The following LRBA variants were observed in gnomAD, a reference collection of about 807,000 sequenced individuals.
The protein encoded by LRBA is LPS responsive beige-like anchor protein, also known as lipopolysaccharide-responsive and beige-like anchor protein.
Under a neutral mutation model 330.0 loss-of-function variants are expected in LRBA, and 176 were observed. The observed-to-expected ratio is 0.53, with a 90% confidence interval of 0.47 to 0.60. LRBA has a LOEUF of 0.60. Among genes scored for constraint, LRBA ranks in the 20% least tolerant of loss-of-function variants. The probability of loss-of-function intolerance (pLI) is 0.00; values close to 1 mark genes in which losing one functional copy is unlikely to be tolerated. For synonymous variants in LRBA, 1,230 were observed against 1,193.0 expected (o/e 1.03, Z -0.64); for missense variants, 3,259 against 3,444.8 (o/e 0.95, Z 1.35).
intron 48 of LRBA, among the ~76,000 whole-genome samples, chr4:150,338,384 G>T (rs1395559542): frequency 2.0e-5 from 3 of 152,122 alleles, no homozygotes; most frequent in Non-Finnish European, 2.9e-5. Context: ...AGAAGAAAAT[G>T]ACACTTTTAG....
chr4:150,525,372 C>T lies in LRBA; in HGVS notation c.6331-34337G>A, dbSNP rs148870246. Among the ~76,000 whole-genome samples, 636 of 151,454 alleles carry T rather than the reference C, an allele frequency of 4.2e-3. 3 individuals are homozygous for T. Among genetic ancestry groups the T allele is most frequent in the African/African-American group, 0.015 (602 of 41,290 alleles). ...CCCAAAAGATTCATTACTTTGATAA[C>T]CATTTATCAGGGACTCAAGTTCAAT... On this transcript the variant is annotated intron_variant, in intron 40 of 56. Transcript: ENST00000651943.
intron 47 of LRBA, among the ~76,000 whole-genome samples, chr4:150,376,738 A>G (rs1233676192): frequency 6.6e-6 from 1 of 152,218 alleles, no homozygotes; most frequent in East Asian, 1.9e-4. Flanking sequence ...CAGGAGCTAT[A>G]AACAAACAAA....
chr4:150,881,630 A>G (rs1276764592), intron 17 of LRBA, among the ~76,000 whole-genome samples: 1 of 152,206 alleles, frequency 6.6e-6, no homozygotes, highest in Admixed American at 6.5e-5. Flanking sequence ...CAATATACCC[A>G]TGTAACAAAC....
At chr4:150,455,503 A>C (rs548697336) in intron 44 of LRBA, among the ~76,000 whole-genome samples, 42 of 152,112 alleles carry the variant, frequency 2.8e-4, no homozygotes, top group Non-Finnish European at 4.6e-4. Context: ...GAAATTGGAA[A>C]TCATCATTCT....
intron 37 of LRBA, among the ~76,000 whole-genome samples, chr4:150,654,743 T>C (rs1780019049): frequency 1.3e-5 from 2 of 152,170 alleles, no homozygotes; most frequent in South Asian, 2.1e-4. Context: ...CCTTCCTGTG[T>C]CCATGTGTTC....
intron 44 of LRBA, among the ~76,000 whole-genome samples, chr4:150,461,155 C>T (rs1258323123): frequency 6.6e-6 from 1 of 151,664 alleles, no homozygotes; most frequent in Non-Finnish European, 1.5e-5. Flanking sequence ...TTTCCTTTTT[C>T]AAGCAATAGC....
chr4:150,407,199 G>T (rs1355531941), intron 47 of LRBA, among the ~76,000 whole-genome samples: 1 of 152,190 alleles, frequency 6.6e-6, no homozygotes, highest in Non-Finnish European at 1.5e-5. Flanking sequence ...AGACAGAAAA[G>T]AAGGCAATGT....
At chr4:150,804,989 T>G (rs114297997) in intron 33 of LRBA, among the ~76,000 whole-genome samples, 4 of 151,998 alleles carry the variant, frequency 2.6e-5, no homozygotes, top group Non-Finnish European at 5.9e-5. Flanking sequence ...GGTACGAAGA[T>G]GAAGATTGGT....
intron 37 of LRBA, among the ~76,000 whole-genome samples, chr4:150,626,744 T>C (rs1428963271): frequency 6.6e-6 from 1 of 152,116 alleles, no homozygotes; most frequent in African/African-American, 2.4e-5. Flanking sequence ...TTAGATAAGA[T>C]TTAAATTGCT....
chr4:150,593,880 A>G (rs1773180997), intron 38 of LRBA, among the ~76,000 whole-genome samples: 1 of 152,156 alleles, frequency 6.6e-6, no homozygotes, highest in Non-Finnish European at 1.5e-5. Context: ...AAATAGCTCA[A>G]AAAATAAATT....
At chr4:150,914,091 TTC>T (rs929479241) in intron 9 of LRBA, 102 bp downstream of exon 9, 2 of 909,828 alleles carry the variant, frequency 2.2e-6, no homozygotes, top group African/African-American at 3.4e-5. Flanking sequence ...GGTCTCATTT[TTC>T]TTTTTTTTTT....
At chr4:150,648,834 T>C (rs1463142850) in intron 37 of LRBA, among the ~76,000 whole-genome samples, 2 of 152,130 alleles carry the variant, frequency 1.3e-5, no homozygotes, top group African/African-American at 4.8e-5. Flanking sequence ...CATCACACTA[T>C]AGTTTCAAGT....
intron 36 of LRBA, among the ~76,000 whole-genome samples, chr4:150,713,670 T>C (rs540422776): frequency 5.9e-5 from 9 of 152,344 alleles, no homozygotes; most frequent in African/African-American, 1.9e-4. Context: ...GATAAAATCA[T>C]GTGGCCTATC....
chr4:150,837,357 CT>C (rs1455902466), intron 28 of LRBA, among the ~76,000 whole-genome samples: 1 of 151,936 alleles, frequency 6.6e-6, no homozygotes, highest in Non-Finnish European at 1.5e-5. Flanking sequence ...CCTTGTTAAC[CT>C]TCTGTCTCGT....
At chr4:150,935,082 A>G (rs1218217006) in intron 2 of LRBA, among the ~76,000 whole-genome samples, 15 of 151,514 alleles carry the variant, frequency 9.9e-5, no homozygotes, top group Non-Finnish European at 1.6e-4. Flanking sequence ...AGGTTGAGGC[A>G]GGAGAATCGC....
chr4:150,639,817 G>GTATATATATATA (rs1561457992), intron 37 of LRBA, among the ~76,000 whole-genome samples: 1 of 5,376 alleles, frequency 1.9e-4, no homozygotes, highest in African/African-American at 5.1e-4. Flanking sequence ...GTGTGTGTGT[G>GTATATATATATA]TGTATATATA....
chr4:150,511,698 TA>T (rs1292220237), intron 40 of LRBA, among the ~76,000 whole-genome samples: 1 of 152,254 alleles, frequency 6.6e-6, no homozygotes, highest in African/African-American at 2.4e-5. Flanking sequence ...TTATTTCAGC[TA>T]ACTCTCAAAA....
intron 46 of LRBA, among the ~76,000 whole-genome samples, chr4:150,426,690 A>G (rs1448114228): frequency 6.6e-6 from 1 of 151,934 alleles, no homozygotes; most frequent in African/African-American, 2.4e-5. Flanking sequence ...ATGCCCATTT[A>G]TAAAAGCATT....
intron 36 of LRBA, among the ~76,000 whole-genome samples, chr4:150,689,481 A>T (rs959338288): frequency 8.5e-5 from 13 of 152,052 alleles, no homozygotes; most frequent in African/African-American, 2.4e-4. Flanking sequence ...AAATATTTTT[A>T]AAAAGTCCTA....
Sources: allele counts gnomAD v4.1 joint callset (sites outside exome capture counted in the v4.1 genomes callset), GRCh38; gene constraint gnomAD v4.1.1; transcripts MANE v1.5; gene names NCBI Gene and HGNC (gene_info 2026-07-23, HGNC 2026-07-21).